ACOT7: variants seen among roughly 807,000 people sequenced by gnomAD.
ACOT7 encodes the protein cytosolic acyl coenzyme A thioester hydrolase.
ACOT7 carries 12 observed loss-of-function variants against 40.2 expected under a neutral mutation model. The ratio of observed to expected loss-of-function variants is 0.30; its 90% CI spans 0.19 to 0.48. ACOT7 has a LOEUF of 0.48. Among genes scored for constraint, ACOT7 ranks in the 20% least tolerant of loss-of-function variants. The pLI is 0.99. For missense variants in ACOT7, 395 were observed against 530.8 expected (o/e 0.74, Z 2.51); for synonymous variants, 228 against 219.5 (o/e 1.04, Z -0.34).
chr1:6,377,974 G>A (rs1011114565), intron 1 of ACOT7, among the ~76,000 whole-genome samples: 2 of 152,172 alleles, frequency 1.3e-5, no homozygotes, highest in Non-Finnish European at 2.9e-5. Flanking sequence ...GGAGGCTGAG[G>A]CAGGTGAATG....
intron 1 of ACOT7, among the ~76,000 whole-genome samples, chr1:6,379,979 T>C (rs1642305343): frequency 6.6e-6 from 1 of 151,740 alleles, no homozygotes; most frequent in African/African-American, 2.4e-5. Flanking sequence ...GGCAGGGGAA[T>C]CACTTGAACC....
In ACOT7 at chr1:6,301,778, C is replaced by T. The variant is rs535506285; in HGVS notation, c.713-6798G>A. On this transcript the variant is annotated intron_variant, in intron 6 of 8. Transcript: ENST00000361521. The surrounding 1 kb of genome is among the most constrained non-coding windows in gnomAD (Gnocchi z 4.1). ...GGAAAAGCTCATCCGGTCCCAGAAA[C>T]CCCAAAGCCAGGTGAGCTTGATGAC... Among the ~76,000 whole-genome samples the T allele has an allele frequency of 5.9e-5, 9 of 152,298 alleles. No individual in the cohort carries two copies. The highest frequency in any genetic ancestry group is 1.9e-4 in the African/African-American group (8 of 41,572).
intron 6 of ACOT7, among the ~76,000 whole-genome samples, chr1:6,300,732 A>G (rs1469069528): frequency 6.8e-6 from 1 of 146,418 alleles, no homozygotes; most frequent in Non-Finnish European, 1.5e-5. Context: ...CTCACCAGAC[A>G]GCACCCTATC....
chr1:6,317,340 A>G (rs1329107117), intron 6 of ACOT7, among the ~76,000 whole-genome samples: 2 of 152,228 alleles, frequency 1.3e-5, no homozygotes, highest in African/African-American at 2.4e-5. Flanking sequence ...TTTTCTTTAA[A>G]TCATGAAAAA....
chr1:6,363,110 C>T (rs1287935324), intron 1 of ACOT7, among the ~76,000 whole-genome samples: 2 of 152,152 alleles, frequency 1.3e-5, no homozygotes, highest in East Asian at 1.9e-4. Context: ...TAATAATCCT[C>T]GCTCTATAAT....
intron 4 of ACOT7, among the ~76,000 whole-genome samples, chr1:6,332,709 T>C (rs1195278559): frequency 6.6e-6 from 1 of 151,834 alleles, no homozygotes; most frequent in Non-Finnish European, 1.5e-5. Flanking sequence ...TAGTCCCAGC[T>C]ACTCAGGAGG....
intron 6 of ACOT7, among the ~76,000 whole-genome samples, chr1:6,302,836 C>T (rs1317712907): frequency 6.6e-6 from 1 of 151,934 alleles, no homozygotes. Context: ...AAGCCACGTG[C>T]CCATCGTGTC....
In ACOT7 at chr1:6,299,827, AC is replaced by A. The variant is rs758589520; in HGVS notation, c.713-4848del. Among the ~76,000 whole-genome samples, 12 of 152,190 alleles carry A rather than the reference AC, an allele frequency of 7.9e-5. No homozygotes were observed. The highest frequency in any genetic ancestry group is 1.8e-4 in the Non-Finnish European group (12 of 68,024). Reference sequence around the variant, plus strand: ...AACAGCTGGACTAGTGGTCCCACTCACACACACAGCCAGCACAGGTGTGCCA... The same window carrying A: ...AACAGCTGGACTAGTGGTCCCACTCAACACACAGCCAGCACAGGTGTGCCA... On this transcript the variant is annotated intron_variant, in intron 6 of 8. Transcript: ENST00000361521. This position sits in a 1 kb window ranked among gnomAD's most constrained non-coding sequence, Gnocchi z 4.1.
At chr1:6,345,476 TA>T (rs1557660960) in intron 2 of ACOT7, among the ~76,000 whole-genome samples, 1 of 152,182 alleles carries the variant, frequency 6.6e-6, no homozygotes, top group East Asian at 1.9e-4. Context: ...TAAACACAGA[TA>T]ATAAATGGTC....
chr1:6,386,927 A>T lies in ACOT7; in HGVS notation c.143+6330T>A, dbSNP rs1157816698. On this transcript the variant is annotated intron_variant, in intron 1 of 8. Coordinates refer to ENST00000361521, the MANE Select transcript of ACOT7 (RefSeq NM_007274.4). ...AAATATCATCCAAATTCCTAATATC[A>T]TTAAATAGCAAGTGACTTCACGTTT... Among the ~76,000 whole-genome samples, 3 of 152,178 alleles carry T rather than the reference A, an allele frequency of 2.0e-5. No homozygotes were observed. The South Asian group carries it at 6.2e-4, about 32-fold the overall frequency.
At position 6,264,643 on chromosome 1, in the gene ACOT7, A is replaced by T; in HGVS notation, c.1067T>A (p.Leu356Gln). 1 of 1,613,420 alleles carries T rather than the reference A, an allele frequency of 6.2e-7. No homozygotes were observed. Among genetic ancestry groups the T allele is most frequent in the African/African-American group, 1.3e-5 (1 of 75,054 alleles). The change falls in exon 9 of 9, where the codon CTG becomes CAG. Residue 356 changes from leucine (L) to glutamine (Q), a missense_variant. Leu to Gln is a moderately radical substitution (Grantham distance 113, BLOSUM62 -2). Around this residue, in one of 2 missense-constraint regions of ACOT7, gnomAD observed 309 missense variants for 470.3 expected, o/e 0.66. Transcript: ENST00000361521. Reference protein sequence around the residue: ...KRFEEGKGRYLQMKAKRQGHA... With the variant: ...KRFEEGKGRYQQMKAKRQGHA... ...GCCCTGTCGCTTCGCCTTCATCTGC[A>T]GGTACCGCCCTTTGCCTTCCTCAAA...
At chr1:6,383,539 G>GTTTTTT (rs201588214) in intron 1 of ACOT7, among the ~76,000 whole-genome samples, 22 of 143,294 alleles carry the variant, frequency 1.5e-4, no homozygotes, top group African/African-American at 4.4e-4. Context: ...TTTTAACACA[G>GTTTTTT]TTTTTTTTTT....
At chr1:6,316,279 T>TG (rs1001145448) in intron 6 of ACOT7, among the ~76,000 whole-genome samples, 10 of 151,794 alleles carry the variant, frequency 6.6e-5, no homozygotes, top group African/African-American at 2.4e-4. Context: ...GACAGAGACA[T>TG]GGGGGCAGTA....
intron 2 of ACOT7, among the ~76,000 whole-genome samples, chr1:6,340,523 T>C (rs999406604): frequency 3.9e-5 from 6 of 152,238 alleles, no homozygotes. Context: ...CATTCAAAGA[T>C]AACCATGGTT....
At chr1:6,347,748 C>T (rs1049781490) in intron 2 of ACOT7, among the ~76,000 whole-genome samples, 1 of 150,896 alleles carries the variant, frequency 6.6e-6, no homozygotes, top group Non-Finnish European at 1.5e-5. Flanking sequence ...GCCTGGGTGA[C>T]AGAGTGAGAC....
rs1454538128 is a variant in ACOT7, at chr1:6,289,825, C to G, written c.829+5039G>C. Among the ~76,000 whole-genome samples the G allele has an allele frequency of 1.3e-5, 2 of 152,180 alleles. No individual in the cohort carries two copies. Among genetic ancestry groups the G allele is most frequent in the Non-Finnish European group, 2.9e-5 (2 of 68,036 alleles). ...AACTACAGGCTTGAGCCATCGTGCCCAGGCCCAGCTATTTTTCTAATAAAA... is the reference window on the plus strand; with the variant it reads ...AACTACAGGCTTGAGCCATCGTGCCGAGGCCCAGCTATTTTTCTAATAAAA... On this transcript the variant is annotated intron_variant, in intron 7 of 8. Coordinates refer to ENST00000361521, the MANE Select transcript of ACOT7 (RefSeq NM_007274.4). The surrounding 1 kb of genome is among the most constrained non-coding windows in gnomAD (Gnocchi z 4.6).
intron 8 of ACOT7, among the ~76,000 whole-genome samples, chr1:6,265,501 G>C (rs1279617716): frequency 6.6e-6 from 1 of 152,222 alleles, no homozygotes; most frequent in Non-Finnish European, 1.5e-5. Context: ...TCATTGGTCT[G>C]GGGGCAGAGC....
At chr1:6,386,005 A>G (rs992633364) in intron 1 of ACOT7, among the ~76,000 whole-genome samples, 2 of 152,194 alleles carry the variant, frequency 1.3e-5, no homozygotes. Context: ...CAACACTCAT[A>G]AGGGTTCCCA....
In ACOT7 at chr1:6,307,986, G is replaced by T. The variant is rs140323725; in HGVS notation, c.712+10506C>A. The stretch of plus-strand genomic sequence containing the variant: ...AACAGGTGGAGGAAACTGCAACCAG[G>T]CAGAGGGAACCACAACCAGGCAGAG... On this transcript the variant is annotated intron_variant, in intron 6 of 8. Transcript: ENST00000361521. Among the ~76,000 whole-genome samples, 556 of 150,534 alleles carry T rather than the reference G, an allele frequency of 3.7e-3. 6 individuals are homozygous for T. The highest frequency in any genetic ancestry group is 0.013 in the African/African-American group (533 of 40,798).
Sources: allele counts gnomAD v4.1 joint callset (sites outside exome capture counted in the v4.1 genomes callset), GRCh38; gene constraint gnomAD v4.1.1; regional missense constraint gnomAD v4.1.1; non-coding constraint Gnocchi (gnomAD v3.1); transcripts MANE v1.5; gene names NCBI Gene and HGNC (gene_info 2026-07-23, HGNC 2026-07-21).